RILP: variants seen among roughly 807,000 people sequenced by gnomAD.
The protein encoded by RILP is rab-interacting lysosomal protein.
Under a neutral mutation model 40.0 loss-of-function variants are expected in RILP, and 53 were observed. The observed-to-expected ratio is 1.32, with a 90% CI of 1.06 to 1.66. The LOEUF (loss-of-function observed/expected upper bound fraction) is 1.66, where lower values mean the gene tolerates loss of function less well. Among genes scored for constraint, RILP ranks in the 40% most tolerant of loss-of-function variants. RILP has a pLI of 0.00. For synonymous variants in RILP, 272 were observed against 250.6 expected (o/e 1.09, Z -0.80); for missense variants, 626 against 551.7 (o/e 1.13, Z -1.35).
Position 1,649,303 on chromosome 17 carries a change from T to A in RILP, c.326A>T (p.Glu109Val). The change falls in exon 3 of 8, where the codon GAG becomes GTG. Residue 109 changes from glutamate (E) to valine (V), a missense_variant. Physicochemically the swap from Glu to Val is moderately radical, Grantham distance 121. Transcript: ENST00000301336. The surrounding 1 kb of genome is among the most constrained non-coding windows in gnomAD (Gnocchi z 4.3). ...CTTGAGCTGCCGCAGCAGCGCGCGC[T>A]CCTCTGAGGAAGGGGCGTTCTTAGC... is the stretch of plus-strand genomic sequence containing the variant. ...RRELRAGPQE[E>V]RALLRQLKEV... The A allele has an allele frequency of 6.7e-7, 1 of 1,501,044 alleles. No homozygotes were observed. The allele number at this position is 1,501,044 out of a possible 1,614,324, so 93.0% of individuals were successfully genotyped here. A position where few individuals can be genotyped will look rare whatever the true frequency, so the allele number is the denominator to read the frequency against.
chr17:1,649,133 C>A lies in RILP; in HGVS notation c.429+67G>T, dbSNP rs888595955. ...GCCTGCCTCGCTCCGCCCCCGCCCC[C>A]GGAGCCCCGCCCAGCGCCTGCCACG... On this transcript the variant is annotated intron_variant, in intron 3 of 7. Transcript: ENST00000301336. This position sits in a 1 kb window ranked among gnomAD's most constrained non-coding sequence, Gnocchi z 4.3. 2 of 1,202,620 alleles carry A rather than the reference C, an allele frequency of 1.7e-6. No individual in the cohort carries two copies. The highest frequency in any genetic ancestry group is 1.6e-5 in the African/African-American group (1 of 62,058). 74.5% of individuals were successfully genotyped at this position (1,202,620 alleles called of 1,614,324 possible).
chr17:1,647,838 C>G lies in RILP; in HGVS notation c.941G>C (p.Ser314Thr), dbSNP rs1910703831. 6.2e-7 allele frequency: 1 copy of G among 1,614,046 alleles called. No individual in the cohort carries two copies. Among genetic ancestry groups the G allele is most frequent in the African/African-American group, 1.3e-5 (1 of 74,924 alleles). Residue 314 changes from serine (S) to threonine (T), a missense_variant, in exon 6 of 8, where the codon AGC (serine) becomes ACC (threonine). Transcript: ENST00000301336. ...GGGAATGCAGGCAGGGACCTACCTG[C>G]TCTCTGCTTCCTCTGGTGTCCCTAA... ...KMLGTPEEAE[S>T]SEDEAGPWIL...
chr17:1,649,547 G>A lies in RILP; in HGVS notation c.228+30C>T, dbSNP rs760262111. ...CTCAGGCTTCGGCCCTGCCGGCCCCGTGGGTGGCGAAGGGAGGGCCATGAC... is the reference window on the plus strand; with the variant it reads ...CTCAGGCTTCGGCCCTGCCGGCCCCATGGGTGGCGAAGGGAGGGCCATGAC... On this transcript the variant is annotated intron_variant, in intron 1 of 7. Coordinates refer to ENST00000301336, the MANE Select transcript of RILP (RefSeq NM_031430.3). This position sits in a 1 kb window ranked among gnomAD's most constrained non-coding sequence, Gnocchi z 4.3. 1.3e-6 allele frequency: 2 copies of A among 1,514,904 alleles called. No homozygotes were observed. Among genetic ancestry groups the A allele is most frequent in the Non-Finnish European group, 1.8e-6 (2 of 1,138,870 alleles). The allele number at this position is 1,514,904 out of a possible 1,614,324, so 93.8% of individuals were successfully genotyped here.
In RILP at chr17:1,648,975, T is replaced by A; in HGVS notation, c.499A>T (p.Thr167Ser). Residue 167 changes from threonine (T) to serine (S), a missense_variant, in exon 4 of 8, where the codon ACC becomes TCC. Transcript: ENST00000301336. The surrounding 1 kb of genome is among the most constrained non-coding windows in gnomAD (Gnocchi z 4.9). ...CGGTCCTGCGCGGCGCGCAGCTGGG[T>A]CTGCATGGCCGCCAGCTTGTGCCGC... The part of the protein sequence containing the change: ...ELRHKLAAMQ[T>S]QLRAAQDRER... 1 of 1,470,006 alleles carries A rather than the reference T, an allele frequency of 6.8e-7. No individual in the cohort carries two copies. Among genetic ancestry groups the A allele is most frequent in the East Asian group, 2.9e-5 (1 of 34,312 alleles). The allele number at this position is 1,470,006 out of a possible 1,614,324, so 91.1% of individuals were successfully genotyped here. A position where few individuals can be genotyped will look rare whatever the true frequency, so the allele number is the denominator to read the frequency against.
At position 1,648,959 on chromosome 17, in the gene RILP, G is replaced by A; in HGVS notation, c.515C>T (p.Ala172Val). 1.3e-6 allele frequency: 2 copies of A among 1,512,030 alleles called. No homozygotes were observed. The highest frequency in any genetic ancestry group is 1.2e-5 in the South Asian group (1 of 81,342). The allele number at this position is 1,512,030 out of a possible 1,614,324, so 93.7% of individuals were successfully genotyped here. Residue 172 changes from alanine (A) to valine (V), a missense_variant, in exon 4 of 8, where the codon GCG becomes GTG. Coordinates refer to ENST00000301336, the MANE Select transcript of RILP (RefSeq NM_031430.3). This position sits in a 1 kb window ranked among gnomAD's most constrained non-coding sequence, Gnocchi z 4.9. ...LAAMQTQLRA[A>V]QDRERERQQP... ...CTGGCGCTCCCTCTCGCGGTCCTGC[G>A]CGGCGCGCAGCTGGGTCTGCATGGC...
rs899091172 is a variant in RILP at position 1,649,325 on chromosome 17, T to C, written c.323-19A>G. ...CGCTCCTCTGAGGAAGGGGCGTTCT[T>C]AGCGGCGGCGGCGCGCGGCCCGCGG... On this transcript the variant is annotated intron_variant, in intron 2 of 7. Coordinates refer to ENST00000301336, the MANE Select transcript of RILP (RefSeq NM_031430.3). The surrounding 1 kb of genome is among the most constrained non-coding windows in gnomAD (Gnocchi z 4.3). 5.3e-5 allele frequency: 79 copies of C among 1,494,786 alleles called. No homozygotes were observed. Among genetic ancestry groups the C allele is most frequent in the Admixed American group, 6.4e-5 (3 of 46,652 alleles). 92.6% of individuals were successfully genotyped at this position (1,494,786 alleles called of 1,614,324 possible).
rs761809005 is a variant in RILP at position 1,649,375 on chromosome 17, T to TCGTC, written c.322+33_322+36dup. 1.3e-6 allele frequency: 2 copies of TCGTC among 1,490,926 alleles called. No homozygotes were observed. Among genetic ancestry groups the TCGTC allele is most frequent in the South Asian group, 2.5e-5 (2 of 80,028 alleles). 92.4% of individuals were successfully genotyped at this position (1,490,926 alleles called of 1,614,324 possible). A position where few individuals can be genotyped will look rare whatever the true frequency, so the allele number is the denominator to read the frequency against. On this transcript the variant is annotated intron_variant, in intron 2 of 7. Coordinates refer to ENST00000301336, the MANE Select transcript of RILP (RefSeq NM_031430.3). The surrounding 1 kb of genome is among the most constrained non-coding windows in gnomAD (Gnocchi z 4.3). Reference sequence around the variant, plus strand: ...GGAGGGAGGGGAGGACCCGAGCAGGTCGTCACCCGCCCTGCCCTGGCCGGG... The same window carrying TCGTC: ...GGAGGGAGGGGAGGACCCGAGCAGGTCGTCCGTCACCCGCCCTGCCCTGGCCGGG...
In RILP at chr17:1,648,007, G is replaced by A. The variant is rs1260141780; in HGVS notation, c.822-50C>T. On this transcript the variant is annotated intron_variant, in intron 5 of 7. Transcript: ENST00000301336. This position sits in a 1 kb window ranked among gnomAD's most constrained non-coding sequence, Gnocchi z 4.9. ...GAAAGCCCTGGTGATGCCAGCCATG[G>A]GGATGCCAGCAGTGGAGATGCCAGC... The A allele has an allele frequency of 6.2e-7, 1 of 1,607,836 alleles. No homozygotes were observed. The highest frequency in any genetic ancestry group is 8.5e-7 in the Non-Finnish European group (1 of 1,178,514).
rs1484605424 is a variant in RILP at position 1,649,477 on chromosome 17, TGCTCCGCCG to T, written c.248_256del (p.Pro83_Glu85del). The T allele has an allele frequency of 1.2e-5, 18 of 1,511,562 alleles. No homozygotes were observed. The highest frequency in any genetic ancestry group is 1.5e-5 in the Non-Finnish European group (17 of 1,138,194). The allele number at this position is 1,511,562 out of a possible 1,614,324, so 93.6% of individuals were successfully genotyped here. A position where few individuals can be genotyped will look rare whatever the true frequency, so the allele number is the denominator to read the frequency against. ...CTCCTCCCGCAGCCGCCGCAGCTCC[TGCTCCGCCG>T]GCTGCGCCGACACCTGCAGCTGGGG... On this transcript the variant is annotated inframe_deletion, in exon 2 of 8. Transcript: ENST00000301336. This position sits in a 1 kb window ranked among gnomAD's most constrained non-coding sequence, Gnocchi z 4.3.
Position 1,649,829 on chromosome 17 carries a change from A to G in RILP, c.-25T>C. The G allele has an allele frequency of 6.8e-7, 1 of 1,464,182 alleles. No homozygotes were observed. Among genetic ancestry groups the G allele is most frequent in the Non-Finnish European group, 9.1e-7 (1 of 1,100,478 alleles). 90.7% of individuals were successfully genotyped at this position (1,464,182 alleles called of 1,614,324 possible). Reference sequence around the variant, plus strand: ...TGTCTCCCAGAGGCTTAGGGCTGCGACCCCCCCACCCCACCCTCCACTGGG... The same window carrying G: ...TGTCTCCCAGAGGCTTAGGGCTGCGGCCCCCCCACCCCACCCTCCACTGGG... On this transcript the variant is annotated 5_prime_UTR_variant, in exon 1 of 8. Transcript: ENST00000301336. The surrounding 1 kb of genome is among the most constrained non-coding windows in gnomAD (Gnocchi z 4.3).
At position 1,649,309 on chromosome 17, in the gene RILP, G is replaced by A. The variant is rs1910821107; in HGVS notation, c.323-3C>T. 6.7e-7 allele frequency: 1 copy of A among 1,502,222 alleles called. No homozygotes were observed. The highest frequency in any genetic ancestry group is 8.8e-7 in the Non-Finnish European group (1 of 1,132,750). The allele number at this position is 1,502,222 out of a possible 1,614,324, so 93.1% of individuals were successfully genotyped here. A position where few individuals can be genotyped will look rare whatever the true frequency, so the allele number is the denominator to read the frequency against. ...CTGCCGCAGCAGCGCGCGCTCCTCT[G>A]AGGAAGGGGCGTTCTTAGCGGCGGC... is the stretch of plus-strand genomic sequence containing the variant. On this transcript the variant is annotated splice_region_variant and splice_polypyrimidine_tract_variant and intron_variant, in intron 2 of 7. Coordinates refer to ENST00000301336, the MANE Select transcript of RILP (RefSeq NM_031430.3). This position sits in a 1 kb window ranked among gnomAD's most constrained non-coding sequence, Gnocchi z 4.3.
chr17:1,648,973 G>C lies in RILP; in HGVS notation c.501C>G (p.Thr167=), dbSNP rs954821883. The C allele has an allele frequency of 5.3e-6, 8 of 1,498,962 alleles. No homozygotes were observed. Among genetic ancestry groups the C allele is most frequent in the Non-Finnish European group, 7.1e-6 (8 of 1,131,306 alleles). The allele number at this position is 1,498,962 out of a possible 1,614,324, so 92.9% of individuals were successfully genotyped here. The change falls in exon 4 of 8, where the codon ACC becomes ACG. Residue 167 remains threonine, a synonymous_variant. Transcript: ENST00000301336. The surrounding 1 kb of genome is among the most constrained non-coding windows in gnomAD (Gnocchi z 4.9). ...CGCGGTCCTGCGCGGCGCGCAGCTG[G>C]GTCTGCATGGCCGCCAGCTTGTGCC... is the stretch of plus-strand genomic sequence containing the variant. The part of the protein sequence containing the change: ...ELRHKLAAMQ[T]QLRAAQDRER...
chr17:1,646,358 G>T lies in RILP; in HGVS notation c.*84C>A, dbSNP rs1910565437. The T allele has an allele frequency of 7.4e-6, 10 of 1,357,734 alleles. No individual in the cohort carries two copies. The highest frequency in any genetic ancestry group is 9.0e-6 in the Non-Finnish European group (9 of 998,430). The allele number at this position is 1,357,734 out of a possible 1,614,324, so 84.1% of individuals were successfully genotyped here. A position where few individuals can be genotyped will look rare whatever the true frequency, so the allele number is the denominator to read the frequency against. On this transcript the variant is annotated 3_prime_UTR_variant, in exon 8 of 8. Coordinates refer to ENST00000301336, the MANE Select transcript of RILP (RefSeq NM_031430.3). The surrounding 1 kb of genome is among the most constrained non-coding windows in gnomAD (Gnocchi z 4.3). ...CCTGCCCTGATGCAGGCCAGGATTG[G>T]GGCAGACCCCTGGCGAGGGCTGTGA...
intron 6 of RILP, among the ~76,000 whole-genome samples, chr17:1,647,364 T>G (rs1439326047): frequency 1.3e-5 from 2 of 152,108 alleles, no homozygotes. Context: ...GGTCTCGAAC[T>G]CCTGACCTCA....
chr17:1,647,485 C>T (rs1185152523), intron 6 of RILP, among the ~76,000 whole-genome samples: 5 of 152,202 alleles, frequency 3.3e-5, no homozygotes, highest in East Asian at 1.9e-4. Context: ...CTGACACAGC[C>T]GCGGCTACAG....
In RILP at chr17:1,649,003, C is replaced by A. The variant is rs1263656085; in HGVS notation, c.471G>T (p.Glu157Asp). The A allele has an allele frequency of 4.8e-6, 7 of 1,446,988 alleles. No homozygotes were observed. In the East Asian group the frequency reaches 1.8e-4, roughly 37 times the overall value. 89.6% of individuals were successfully genotyped at this position (1,446,988 alleles called of 1,614,324 possible). A position where few individuals can be genotyped will look rare whatever the true frequency, so the allele number is the denominator to read the frequency against. Residue 157 changes from glutamate to aspartate, a missense_variant, in exon 4 of 8, where the codon GAG becomes GAT. Transcript: ENST00000301336. The surrounding 1 kb of genome is among the most constrained non-coding windows in gnomAD (Gnocchi z 4.3). ...GCATGGCCGCCAGCTTGTGCCGCAG[C>A]TCAGCGTTCACCAGCAGGAGGCGCT... The part of the protein sequence containing the change: ...QLQRLLLVNA[E>D]LRHKLAAMQT...
chr17:1,647,754 A>G (rs537581203), intron 6 of RILP, 81 bp downstream of exon 6: 1,029 of 1,566,656 alleles, frequency 6.6e-4, no homozygotes, highest in Middle Eastern at 1.0e-3. Flanking sequence ...ATGGGCTCAG[A>G]GGGTGACCAG....
chr17:1,646,749 TG>T lies in RILP; in HGVS notation c.1029-131del. On this transcript the variant is annotated intron_variant, in intron 7 of 7. Coordinates refer to ENST00000301336, the MANE Select transcript of RILP (RefSeq NM_031430.3). The surrounding 1 kb of genome is among the most constrained non-coding windows in gnomAD (Gnocchi z 4.3). ...GCAGCCTGAGGGAGTGTGAAGGTGA[TG>T]GGGGCCAGGGCCAGAGAAGCAGGAG... 3 of 1,110,086 alleles carry T rather than the reference TG, an allele frequency of 2.7e-6. No homozygotes were observed. The highest frequency in any genetic ancestry group is 1.5e-5 in the South Asian group (1 of 65,062). 68.8% of individuals were successfully genotyped at this position (1,110,086 alleles called of 1,614,324 possible). A position where few individuals can be genotyped will look rare whatever the true frequency, so the allele number is the denominator to read the frequency against.
In RILP at chr17:1,646,969, C is replaced by T. The variant is rs1567669438; in HGVS notation, c.965G>A (p.Trp322Ter). 1.2e-6 allele frequency: 2 copies of T among 1,608,532 alleles called. No individual in the cohort carries two copies. The highest frequency in any genetic ancestry group is 8.5e-7 in the Non-Finnish European group (1 of 1,177,076). Residue 322 changes from tryptophan (W) to a stop codon, truncating the protein, a stop_gained, in exon 7 of 8, where the codon TGG (tryptophan) becomes TAG (stop). Coordinates refer to ENST00000301336, the MANE Select transcript of RILP (RefSeq NM_031430.3). LOFTEE classifies it high-confidence loss of function. This position sits in a 1 kb window ranked among gnomAD's most constrained non-coding sequence, Gnocchi z 4.3. The stretch of plus-strand genomic sequence containing the variant: ...TCCCTTGTCATCGGAGAGCAGGATC[C>T]ATGGGCCAGCCTCATCCTCACTGAG... ...AESSEDEAGP[W>*]ILLSDDKGDH...
Sources: allele counts gnomAD v4.1 joint callset (sites outside exome capture counted in the v4.1 genomes callset), GRCh38; gene constraint gnomAD v4.1.1; non-coding constraint Gnocchi (gnomAD v3.1); transcripts MANE v1.5; gene names NCBI Gene and HGNC (gene_info 2026-07-23, HGNC 2026-07-21).